The following CPLANE1 variants were observed in gnomAD, a reference collection of about 807,000 sequenced individuals.
CPLANE1 encodes ciliogenesis and planar polarity effector 1.
Under a neutral mutation model 362.5 loss-of-function variants are expected in CPLANE1, and 263 were observed. The ratio of observed to expected loss-of-function variants is 0.73; its 90% CI spans 0.66 to 0.80. The LOEUF (loss-of-function observed/expected upper bound fraction) is 0.80, where lower values mean the gene tolerates loss of function less well. Ranked by LOEUF, CPLANE1 falls within the 30% of genes least tolerant of loss-of-function variation. CPLANE1 has a pLI of 0.00. For missense variants in CPLANE1, 3,461 were observed against 3,793.4 expected, an observed-to-expected ratio of 0.91 and a Z score of 2.30; for synonymous variants, 1,212 against 1,302.6, an observed-to-expected ratio of 0.93 and a Z score of 1.50.
intron 40 of CPLANE1, 106 bp from the exon 41 acceptor site, chr5:37,157,526 AT>A: frequency 8.8e-7 from 1 of 1,135,646 alleles, no homozygotes; most frequent in Non-Finnish European, 1.3e-6. Context: ...TAATCCGAAG[AT>A]TAACAGAACA....
At chr5:37,175,853 C>T (rs1781021182) in intron 31 of CPLANE1, 56 bp downstream of exon 31, 1 of 1,219,034 alleles carries the variant, frequency 8.2e-7, no homozygotes, top group African/African-American at 1.5e-5. Flanking sequence ...TACTTTCACT[C>T]TGTGATTTGT....
intron 50 of CPLANE1, among the ~76,000 whole-genome samples, chr5:37,118,169 T>C (rs1211875253): frequency 6.6e-6 from 1 of 151,678 alleles, no homozygotes; most frequent in Non-Finnish European, 1.5e-5. Flanking sequence ...CTGAGGTGGG[T>C]AGATGCTTGA....
At chr5:37,175,852 T>A (rs528341917) in intron 31 of CPLANE1, 57 bp downstream of exon 31, 1 of 1,208,088 alleles carries the variant, frequency 8.3e-7, no homozygotes, top group South Asian at 1.3e-5. Flanking sequence ...ATACTTTCAC[T>A]CTGTGATTTG....
intron 15 of CPLANE1, among the ~76,000 whole-genome samples, chr5:37,215,676 C>T (rs1793848915): frequency 6.6e-6 from 1 of 150,888 alleles, no homozygotes. Flanking sequence ...CAAAATGACC[C>T]AGGCACGACA....
chr5:37,225,724 C>T (rs979739796), intron 12 of CPLANE1, among the ~76,000 whole-genome samples: 10 of 151,706 alleles, frequency 6.6e-5, no homozygotes, highest in Admixed American at 4.6e-4. Flanking sequence ...TGGTGGCAGG[C>T]GCCTGTAATC....
chr5:37,134,872 C>T (rs1267694840), intron 46 of CPLANE1, among the ~76,000 whole-genome samples: 4 of 151,216 alleles, frequency 2.6e-5, no homozygotes, highest in Non-Finnish European at 5.9e-5. Flanking sequence ...TGGCTTGCCA[C>T]AACCTCTGCC....
At chr5:37,152,801 A>G (rs1371713668) in intron 42 of CPLANE1, among the ~76,000 whole-genome samples, 1 of 152,138 alleles carries the variant, frequency 6.6e-6, no homozygotes, top group East Asian at 1.9e-4. Context: ...AGGTGGGAGG[A>G]TTGCTTGAAC....
intron 30 of CPLANE1, among the ~76,000 whole-genome samples, chr5:37,176,846 C>A (rs1376334304): frequency 6.6e-6 from 1 of 151,566 alleles, no homozygotes; most frequent in African/African-American, 2.4e-5. Context: ...GCAAGCTCCG[C>A]CTCCCCGGGT....
At chr5:37,242,784 TG>T (rs1213836122) in intron 6 of CPLANE1, among the ~76,000 whole-genome samples, 1 of 150,520 alleles carries the variant, frequency 6.6e-6, no homozygotes, top group Non-Finnish European at 1.5e-5. Flanking sequence ...CCCAGCACTT[TG>T]GGAGGCCAAG....
rs1198618722 is a variant in CPLANE1 at position 37,244,447 on chromosome 5, A to C, written c.498T>G (p.Pro166=). Residue 166 remains proline (P), a synonymous_variant, in exon 5 of 53, where the codon CCT becomes CCG. Coordinates refer to ENST00000651892, the MANE Select transcript of CPLANE1 (RefSeq NM_001384732.1). ...SLAGRWSQVI[P]EEAVLLPSTE... is the part of the protein sequence containing the mutation. ...TGGAAGGCAAGAGAACTGCTTCTTC[A>C]GGTATGACCTGGGACCACCGACCCG... 6.4e-7 allele frequency: 1 copy of C among 1,551,532 alleles called. No individual in the cohort carries two copies. The highest frequency in any genetic ancestry group is 2.4e-5 in the East Asian group (1 of 40,906).
intron 41 of CPLANE1, among the ~76,000 whole-genome samples, chr5:37,154,231 C>T: frequency 6.6e-6 from 1 of 152,170 alleles, no homozygotes; most frequent in Non-Finnish European, 1.5e-5. Context: ...TCATCCCTTG[C>T]TACAAACATA....
chr5:37,209,824 A>C lies in CPLANE1; in HGVS notation c.2921-3399T>G. 11 of 1,355,450 alleles carry C rather than the reference A, an allele frequency of 8.1e-6. No individual in the cohort carries two copies. The highest frequency in any genetic ancestry group is 1.2e-5 in the Non-Finnish European group (11 of 946,644). 84.0% of individuals were successfully genotyped at this position (1,355,450 alleles called of 1,614,324 possible). The stretch of plus-strand genomic sequence containing the variant: ...GGATTGGCAGAATATCATCAAGCTA[A>C]AGAAAGTTGTAATATGGAAACTCAG... On this transcript the variant is annotated intron_variant, in intron 16 of 52. Transcript: ENST00000651892. This position sits in a 1 kb window ranked among gnomAD's most constrained non-coding sequence, Gnocchi z 4.6.
chr5:37,227,749 A>G lies in CPLANE1; in HGVS notation c.1190T>C (p.Met397Thr). The change falls in exon 10 of 53, where the codon ATG becomes ACG. Residue 397 changes from methionine (M) to threonine (T), a missense_variant. By Grantham distance (81) the Met-to-Thr change is moderately conservative (BLOSUM62 -1). This residue lies in a region of CPLANE1 where 3,380 missense variants were observed against 3,666.1 expected (regional missense o/e 0.92). Coordinates refer to ENST00000651892, the MANE Select transcript of CPLANE1 (RefSeq NM_001384732.1). The part of the protein sequence containing the change: ...VDSSASDSDP[M>T]RQRFSIKAHS... ...TGCTTTTATAGAAAATCTCTGTCTC[A>G]TAGGGTCACTATCAGAAGCTGATGA... 1.0e-5 allele frequency: 16 copies of G among 1,551,432 alleles called. No homozygotes were observed. Among genetic ancestry groups the G allele is most frequent in the Non-Finnish European group, 1.4e-5 (16 of 1,146,782 alleles).
At chr5:37,158,379 C>A (rs771748024) in intron 38 of CPLANE1, 34 bp from the exon 39 acceptor site, 8 of 1,580,446 alleles carry the variant, frequency 5.1e-6, no homozygotes, top group Admixed American at 3.7e-5. Context: ...CAGGAACATT[C>A]AAAAAAAGGC....
intron 2 of CPLANE1, among the ~76,000 whole-genome samples, chr5:37,246,847 G>A (rs1422905861): frequency 6.6e-6 from 1 of 152,192 alleles, no homozygotes; most frequent in Non-Finnish European, 1.5e-5. Flanking sequence ...GGCTGAGGTT[G>A]CAGTGAGCCG....
At chr5:37,159,404 C>A (rs993131870) in intron 38 of CPLANE1, among the ~76,000 whole-genome samples, 3 of 152,218 alleles carry the variant, frequency 2.0e-5, no homozygotes, top group Non-Finnish European at 4.4e-5. Context: ...AGCCACCGCG[C>A]CCGGCCTAAT....
downstream of CPLANE1, among the ~76,000 whole-genome samples, chr5:37,102,192 T>C (rs1372536506): frequency 6.6e-6 from 1 of 152,126 alleles, no homozygotes; most frequent in East Asian, 1.9e-4. Flanking sequence ...TTTTGTTTTT[T>C]GTTTTTTTGT....
At chr5:37,241,579 T>C (rs1464031408) in intron 6 of CPLANE1, among the ~76,000 whole-genome samples, 4 of 152,208 alleles carry the variant, frequency 2.6e-5, no homozygotes, top group Non-Finnish European at 4.4e-5. Flanking sequence ...CAATTGTATA[T>C]ATTTTTCAAA....
intron 16 of CPLANE1, chr5:37,210,533 T>A: frequency 1.4e-6 from 2 of 1,443,690 alleles, no homozygotes; most frequent in South Asian, 2.4e-5. Flanking sequence ...TAGCTTTTAA[T>A]TCAAAAAAGG....
Sources: allele counts gnomAD v4.1 joint callset (sites outside exome capture counted in the v4.1 genomes callset), GRCh38; gene constraint gnomAD v4.1.1; regional missense constraint gnomAD v4.1.1; non-coding constraint Gnocchi (gnomAD v3.1); transcripts MANE v1.5; gene names NCBI Gene and HGNC (gene_info 2026-07-23, HGNC 2026-07-21).